ARHGAP21: variants seen among roughly 807,000 people sequenced by gnomAD.
ARHGAP21 encodes rho GTPase-activating protein 21.
Under a neutral mutation model 164.6 loss-of-function variants are expected in ARHGAP21, and 38 were observed. That is an observed-to-expected ratio of 0.23 (90% CI 0.18 to 0.30). ARHGAP21 has a LOEUF of 0.30. ARHGAP21 is among the 10% of genes least tolerant of loss of function. The probability of loss-of-function intolerance (pLI) is 1.00; values close to 1 mark genes in which losing one functional copy is unlikely to be tolerated. For synonymous variants in ARHGAP21, 766 were observed against 857.9 expected (o/e 0.89, Z 1.87); for missense variants, 1,822 against 2,370.7 (o/e 0.77, Z 4.81).
At chr10:24,607,378 T>C in intron 11 of ARHGAP21, 121 bp downstream of exon 11, 1 of 814,760 alleles carries the variant, frequency 1.2e-6, no homozygotes, top group African/African-American at 1.7e-5. Flanking sequence ...TTTATTTATT[T>C]GCATTTCTAA....
At chr10:24,716,964 T>C (rs1456280938) in intron 2 of ARHGAP21, among the ~76,000 whole-genome samples, 1 of 152,202 alleles carries the variant, frequency 6.6e-6, no homozygotes, top group Non-Finnish European at 1.5e-5. Flanking sequence ...ATGGAGATTC[T>C]AGGCAGTCAG....
chr10:24,620,622 A>T lies in ARHGAP21; in HGVS notation c.1273T>A (p.Tyr425Asn), dbSNP rs1834447555. 6.2e-7 allele frequency: 1 copy of T among 1,614,120 alleles called. No homozygotes were observed. Among genetic ancestry groups the T allele is most frequent in the South Asian group, 1.1e-5 (1 of 91,092 alleles). The change falls in exon 9 of 26, where the codon TAT becomes AAT. Residue 425 changes from tyrosine (Y) to asparagine (N), a missense_variant. Physicochemically the swap from Tyr to Asn is moderately radical, Grantham distance 143 (BLOSUM62 -2). Around this residue, in one of 5 missense-constraint regions of ARHGAP21, gnomAD observed 1,090 missense variants for 1,378.9 expected, o/e 0.79. Transcript: ENST00000396432. ...LRAASQSTTDYNQVVPNRTTL... is the reference protein window; with the variant it reads ...LRAASQSTTDNNQVVPNRTTL... ...GTGCGGTTGGGGACGACCTGGTTATAATCTGTCGTGCTTTGAGATGCTGCT... is the reference window on the plus strand; with the variant it reads ...GTGCGGTTGGGGACGACCTGGTTATTATCTGTCGTGCTTTGAGATGCTGCT...
At chr10:24,648,245 T>G (rs1837778521) in intron 4 of ARHGAP21, among the ~76,000 whole-genome samples, 1 of 152,178 alleles carries the variant, frequency 6.6e-6, no homozygotes, top group Non-Finnish European at 1.5e-5. Context: ...GAGGAAGAAA[T>G]TCCCTACTTG....
intron 4 of ARHGAP21, among the ~76,000 whole-genome samples, chr10:24,653,554 C>T (rs183661494): frequency 1.2e-4 from 18 of 150,256 alleles, no homozygotes; most frequent in African/African-American, 4.2e-4. Flanking sequence ...GCCTGGGCGA[C>T]AGAGAGAGAC....
chr10:24,649,374 G>C (rs1173910715), intron 4 of ARHGAP21, among the ~76,000 whole-genome samples: 1 of 152,106 alleles, frequency 6.6e-6, no homozygotes, highest in Non-Finnish European at 1.5e-5. Flanking sequence ...CCAGCAAATA[G>C]AAGAAAAAGC....
intron 2 of ARHGAP21, among the ~76,000 whole-genome samples, chr10:24,671,565 G>GC (rs1840705827): frequency 6.6e-6 from 1 of 151,896 alleles, no homozygotes; most frequent in South Asian, 2.1e-4. Context: ...TTCTCACAAG[G>GC]CCCCAGCAGT....
chr10:24,587,761 T>C (rs1592913621), intron 25 of ARHGAP21, among the ~76,000 whole-genome samples: 1 of 152,358 alleles, frequency 6.6e-6, no homozygotes, highest in African/African-American at 2.4e-5. Context: ...AATTAGATTA[T>C]ACTGTCTTTC....
chr10:24,687,256 T>C (rs1315517498), intron 2 of ARHGAP21, among the ~76,000 whole-genome samples: 5 of 152,204 alleles, frequency 3.3e-5, no homozygotes, highest in Non-Finnish European at 5.9e-5. Flanking sequence ...TGCTTGTTCA[T>C]ACATCTATCT....
chr10:24,607,053 T>TA (rs759420650), intron 11 of ARHGAP21, among the ~76,000 whole-genome samples: 2 of 152,130 alleles, frequency 1.3e-5, no homozygotes, highest in Non-Finnish European at 2.9e-5. Context: ...AATGGAAAAT[T>TA]AAAAAATCAT....
At chr10:24,704,573 T>C in intron 2 of ARHGAP21, among the ~76,000 whole-genome samples, 1 of 152,044 alleles carries the variant, frequency 6.6e-6, no homozygotes, top group South Asian at 2.1e-4. Context: ...CAAGCGATTC[T>C]CATGCCTCAG....
intron 4 of ARHGAP21, among the ~76,000 whole-genome samples, chr10:24,659,476 C>T (rs1281948440): frequency 3.3e-5 from 5 of 152,096 alleles, no homozygotes; most frequent in Non-Finnish European, 2.9e-5. Flanking sequence ...CCACCACACC[C>T]GGCTAATTTT....
intron 2 of ARHGAP21, 96 bp downstream of exon 2, chr10:24,721,741 C>T: frequency 7.0e-7 from 1 of 1,419,794 alleles, no homozygotes; most frequent in East Asian, 2.4e-5. Context: ...CCGGGAAGCC[C>T]CTAGTGAGGC....
intron 7 of ARHGAP21, among the ~76,000 whole-genome samples, chr10:24,625,060 G>C (rs1242404886): frequency 1.3e-5 from 1 of 78,130 alleles, no homozygotes; most frequent in African/African-American, 5.7e-5. Flanking sequence ...TGGGGGGGGG[G>C]GGGGAGGAGG....
intron 2 of ARHGAP21, among the ~76,000 whole-genome samples, chr10:24,676,078 G>GCCT (rs1841201858): frequency 6.6e-6 from 1 of 152,186 alleles, no homozygotes; most frequent in African/African-American, 2.4e-5. Context: ...AACCTGGCAG[G>GCCT]CGGAGGCTGC....
intron 21 of ARHGAP21, among the ~76,000 whole-genome samples, chr10:24,594,095 C>A (rs1398381629): frequency 6.6e-6 from 1 of 152,150 alleles, no homozygotes; most frequent in Non-Finnish European, 1.5e-5. Context: ...AAAAGACTGT[C>A]AGCAATATTC....
intron 4 of ARHGAP21, among the ~76,000 whole-genome samples, chr10:24,648,501 C>T (rs4748960): frequency 0.5 from 75,243 of 151,984 alleles, 18,879 homozygotes; most frequent in Middle Eastern, 0.55. Context: ...ATAGGTCAGC[C>T]GGGTGCAGAG....
chr10:24,620,232 C>G lies in ARHGAP21; in HGVS notation c.1663G>C (p.Gly555Arg), dbSNP rs149472898. ...RQQEIHKSFR[G>R]SNFTVAPSVV... The stretch of plus-strand genomic sequence containing the variant: ...CTTGGAGCCACAGTAAAATTGGAAC[C>G]TCGAAAAGATTTATGAATTTCTTGC... The change falls in exon 9 of 26, where the codon GGT (glycine) becomes CGT (arginine). Residue 555 changes from glycine (G) to arginine (R), a missense_variant. Transcript: ENST00000396432. 1.5e-3 allele frequency: 2,398 copies of G among 1,613,936 alleles called. 4 individuals carry two copies. Among genetic ancestry groups the G allele is most frequent in the Admixed American group, 2.2e-3 (132 of 60,014 alleles).
chr10:24,700,615 T>C (rs1843584490), intron 2 of ARHGAP21, among the ~76,000 whole-genome samples: 1 of 152,226 alleles, frequency 6.6e-6, no homozygotes, highest in Non-Finnish European at 1.5e-5. Context: ...TAGGATCTTA[T>C]CCAGTGGTTG....
chr10:24,673,440 T>C (rs1041248630), intron 2 of ARHGAP21, among the ~76,000 whole-genome samples: 4 of 152,288 alleles, frequency 2.6e-5, no homozygotes, highest in South Asian at 2.1e-4. Flanking sequence ...CATGTCAATA[T>C]TGTACAAGTA....
Sources: allele counts gnomAD v4.1 joint callset (sites outside exome capture counted in the v4.1 genomes callset), GRCh38; gene constraint gnomAD v4.1.1; regional missense constraint gnomAD v4.1.1; transcripts MANE v1.5; gene names NCBI Gene and HGNC (gene_info 2026-07-23, HGNC 2026-07-21).